ANO2: variants seen among roughly 807,000 people sequenced by gnomAD.
The protein encoded by ANO2 is anoctamin-2.
Under a neutral mutation model 124.2 loss-of-function variants are expected in ANO2, and 101 were observed. That is an observed-to-expected ratio of 0.81 (90% CI 0.69 to 0.96). The LOEUF is 0.96. Ranked by LOEUF, ANO2 falls within the 40% of genes least tolerant of loss-of-function variation. The probability of loss-of-function intolerance (pLI) is 0.00; values close to 1 mark genes in which losing one functional copy is unlikely to be tolerated. For synonymous variants in ANO2, 486 were observed against 482.5 expected, an observed-to-expected ratio of 1.01 and a Z score of -0.09; for missense variants, 1,293 against 1,274.5, an observed-to-expected ratio of 1.01 and a Z score of -0.22.
intron 23 of ANO2, among the ~76,000 whole-genome samples, chr12:5,571,262 C>G (rs890671203): frequency 1.3e-5 from 2 of 152,318 alleles, no homozygotes; most frequent in Non-Finnish European, 2.9e-5. Flanking sequence ...ACGTGGCGGC[C>G]CTTCGACCCT....
intron 1 of ANO2, among the ~76,000 whole-genome samples, chr12:5,924,913 C>G (rs1942009521): frequency 6.6e-6 from 1 of 152,134 alleles, no homozygotes; most frequent in Admixed American, 6.6e-5. Flanking sequence ...TGATTGAGGC[C>G]TGTCTCAGAT....
At chr12:5,565,376 C>A (rs1941685494) in intron 24 of ANO2, among the ~76,000 whole-genome samples, 182 bp downstream of exon 24, 1 of 152,144 alleles carries the variant, frequency 6.6e-6, no homozygotes, top group African/African-American at 2.4e-5. Flanking sequence ...TTAAAGAAAG[C>A]CCTCTCAAGA....
chr12:5,758,071 A>T (rs1360801741), intron 10 of ANO2, among the ~76,000 whole-genome samples: 1 of 152,180 alleles, frequency 6.6e-6, no homozygotes, highest in East Asian at 1.9e-4. Flanking sequence ...ATCTTCTCTT[A>T]TTCAAATCGA....
intron 4 of ANO2, chr12:5,851,941 T>A: frequency 1.3e-6 from 1 of 742,202 alleles, no homozygotes; most frequent in East Asian, 2.5e-5. Context: ...AACATGGGCA[T>A]TAGAGTTTTG....
chr12:5,842,041 T>C (rs1483344041), intron 4 of ANO2, among the ~76,000 whole-genome samples: 1 of 151,994 alleles, frequency 6.6e-6, no homozygotes, highest in Admixed American at 6.6e-5. Flanking sequence ...AGCTAACTTC[T>C]TAAATTTTTT....
chr12:5,670,004 TA>T (rs1253142160), intron 14 of ANO2, among the ~76,000 whole-genome samples: 6 of 152,186 alleles, frequency 3.9e-5, no homozygotes, highest in African/African-American at 1.4e-4. Context: ...TGAGCCCACA[TA>T]AAACTTTACA....
intron 6 of ANO2, among the ~76,000 whole-genome samples, chr12:5,829,670 C>A (rs1258857887): frequency 6.6e-6 from 1 of 152,164 alleles, no homozygotes; most frequent in East Asian, 1.9e-4. Flanking sequence ...ATTCCTTGGG[C>A]CCCTCTTTCT....
At chr12:5,639,831 G>C (rs1946238388) in intron 15 of ANO2, among the ~76,000 whole-genome samples, 1 of 152,166 alleles carries the variant, frequency 6.6e-6, no homozygotes, top group Non-Finnish European at 1.5e-5. Context: ...CTGATGATCT[G>C]TCAGGGGCAG....
intron 7 of ANO2, among the ~76,000 whole-genome samples, chr12:5,815,204 C>T (rs1398616445): frequency 2.6e-5 from 4 of 152,164 alleles, no homozygotes; most frequent in African/African-American, 7.2e-5. Context: ...TCCTTCAGAC[C>T]TCCTGCCATG....
At chr12:5,886,837 G>A (rs1024241618) in intron 3 of ANO2, among the ~76,000 whole-genome samples, 9 of 152,208 alleles carry the variant, frequency 5.9e-5, no homozygotes, top group Middle Eastern at 3.4e-3. Flanking sequence ...ATAAAAGGAC[G>A]TGAAAGGACA....
At chr12:5,688,754 A>G (rs547109213) in intron 14 of ANO2, among the ~76,000 whole-genome samples, 3 of 151,172 alleles carry the variant, frequency 2.0e-5, no homozygotes, top group Non-Finnish European at 4.4e-5. Context: ...CCTCTAACTC[A>G]GGCCTTCCTG....
chr12:5,912,605 C>T (rs572175617), intron 3 of ANO2, among the ~76,000 whole-genome samples: 7 of 152,200 alleles, frequency 4.6e-5, no homozygotes, highest in Non-Finnish European at 7.3e-5. Context: ...TGCCCGGAGG[C>T]GTCCCCTCTG....
intron 14 of ANO2, among the ~76,000 whole-genome samples, chr12:5,705,657 T>G (rs1256590149): frequency 1.3e-5 from 2 of 152,224 alleles, no homozygotes. Flanking sequence ...ACCCCAATAC[T>G]ATTGCTTTTG....
At chr12:5,755,084 A>T (rs1319513121) in intron 10 of ANO2, among the ~76,000 whole-genome samples, 1 of 151,958 alleles carries the variant, frequency 6.6e-6, no homozygotes, top group Non-Finnish European at 1.5e-5. Flanking sequence ...GCCTCTCATA[A>T]GTTTTAATAT....
chr12:5,747,895 G>A (rs746534900), intron 11 of ANO2, among the ~76,000 whole-genome samples: 16 of 152,316 alleles, frequency 1.1e-4, no homozygotes, highest in South Asian at 2.1e-4. Context: ...TGACACATCC[G>A]CAGTAACGAC....
At chr12:5,693,887 G>A (rs1391836390) in intron 14 of ANO2, among the ~76,000 whole-genome samples, 2 of 152,114 alleles carry the variant, frequency 1.3e-5, no homozygotes, top group South Asian at 2.1e-4. Flanking sequence ...GACCATTCCC[G>A]GAGCAGCCCT....
intron 5 of ANO2, among the ~76,000 whole-genome samples, chr12:5,831,614 G>C (rs928965707): frequency 5.3e-5 from 8 of 152,206 alleles, no homozygotes; most frequent in Non-Finnish European, 8.8e-5. Flanking sequence ...GACTCAATGA[G>C]AGGGTAAATA....
At chr12:5,638,107 T>G (rs891810334) in intron 15 of ANO2, among the ~76,000 whole-genome samples, 7 of 152,132 alleles carry the variant, frequency 4.6e-5, no homozygotes, top group African/African-American at 1.7e-4. Context: ...ATGTGATTGA[T>G]CCAAGGTCTG....
intron 16 of ANO2, among the ~76,000 whole-genome samples, chr12:5,633,798 T>C (rs1218684941): frequency 6.6e-6 from 1 of 152,134 alleles, no homozygotes; most frequent in Non-Finnish European, 1.5e-5. Context: ...AAGTGGCTCA[T>C]TTGCCACTTT....
Sources: allele counts gnomAD v4.1 joint callset (sites outside exome capture counted in the v4.1 genomes callset), GRCh38; gene constraint gnomAD v4.1.1; transcripts MANE v1.5; gene names NCBI Gene and HGNC (gene_info 2026-07-23, HGNC 2026-07-21).